Variants in MIOS observed in about 807,000 individuals in gnomAD.
MIOS encodes meiosis regulator for oocyte development.
A neutral mutation model predicts 96.9 loss-of-function variants in MIOS; 52 were observed. The ratio of observed to expected loss-of-function variants is 0.54; its 90% confidence interval spans 0.43 to 0.68. The LOEUF is 0.68. Ranked by LOEUF, MIOS falls within the 30% of genes least tolerant of loss-of-function variation. The probability of loss-of-function intolerance (pLI) is 0.00; values close to 1 mark genes in which losing one functional copy is unlikely to be tolerated. For missense variants in MIOS, 1,005 were observed against 1,052.8 expected (o/e 0.95, Z 0.63); for synonymous variants, 397 against 359.5 (o/e 1.10, Z -1.18).
intron 5 of MIOS, among the ~76,000 whole-genome samples, chr7:7,575,122 G>C (rs1351459858): frequency 6.6e-6 from 1 of 151,866 alleles, no homozygotes; most frequent in African/African-American, 2.4e-5. Context: ...CTAACTTTTG[G>C]TAAGTCAAAT....
chr7:7,597,154 GTC>G (rs1480021699), intron 11 of MIOS, among the ~76,000 whole-genome samples: 1 of 151,692 alleles, frequency 6.6e-6, no homozygotes, highest in Admixed American at 6.6e-5. Flanking sequence ...GTGAAACCTC[GTC>G]TCTACTAAAA....
intron 5 of MIOS, among the ~76,000 whole-genome samples, chr7:7,579,136 C>T (rs1432800935): frequency 6.6e-6 from 1 of 152,100 alleles, no homozygotes; most frequent in Non-Finnish European, 1.5e-5. Flanking sequence ...TTTAGTGGTA[C>T]ATAACATGCA....
chr7:7,597,502 AT>A (rs1287505927), intron 11 of MIOS, among the ~76,000 whole-genome samples: 7,678 of 72,690 alleles, frequency 0.11, 1,701 homozygotes, highest in Middle Eastern at 0.23. Flanking sequence ...ATATATATAT[AT>A]ATATATATAT....
intron 9 of MIOS, among the ~76,000 whole-genome samples, chr7:7,594,537 C>T (rs57915570): frequency 0.059 from 9,013 of 152,128 alleles, 860 homozygotes; most frequent in African/African-American, 0.21. Context: ...TCAAGTGATC[C>T]GCCTACCTCG....
At chr7:7,595,846 G>T (rs11981494) in intron 10 of MIOS, among the ~76,000 whole-genome samples, 20,999 of 152,128 alleles carry the variant, frequency 0.14, 1,631 homozygotes, top group East Asian at 0.28. Context: ...ACCATTATAA[G>T]TTTGTTAACT....
rs138842788 is a variant in MIOS, at chr7:7,597,903, G to T, written c.2401+1442G>T. Among the ~76,000 whole-genome samples, 818 of 152,122 alleles carry T rather than the reference G, an allele frequency of 5.4e-3. 19 individuals are homozygous for T. Among genetic ancestry groups the T allele is most frequent in the East Asian group, 0.032 (165 of 5,156 alleles). ...TGGTCTTGAACTCCTGAACTCAAGC[G>T]ATCCACCTGCCTCAGCTTCCCAAAG... On this transcript the variant is annotated intron_variant, in intron 11 of 12. Coordinates refer to ENST00000340080, the MANE Select transcript of MIOS (RefSeq NM_019005.4).
chr7:7,578,855 C>T (rs987091156), intron 5 of MIOS, among the ~76,000 whole-genome samples: 5 of 151,950 alleles, frequency 3.3e-5, no homozygotes, highest in Admixed American at 6.6e-5. Context: ...GGATTACAGG[C>T]GCATGCCATT....
intron 11 of MIOS, among the ~76,000 whole-genome samples, chr7:7,598,299 A>G (rs182407359): frequency 5.0e-4 from 76 of 152,274 alleles, no homozygotes; most frequent in Non-Finnish European, 9.1e-4. Flanking sequence ...ACATTTTATA[A>G]TTCTATTCTG....
chr7:7,589,544 C>T lies in MIOS; in HGVS notation c.2024C>T (p.Ala675Val). 1.2e-6 allele frequency: 2 copies of T among 1,611,930 alleles called. No homozygotes were observed. Among genetic ancestry groups the T allele is most frequent in the Non-Finnish European group, 1.7e-6 (2 of 1,178,664 alleles). ...GATAGAACTGGAGATGTTCAAACAG[C>T]AAGTTACTGTATGTTACAGGTCAGT... ...YVDRTGDVQT[A>V]SYCMLQGSPL... Residue 675 changes from alanine (A) to valine (V), a missense_variant, in exon 9 of 13, where the codon GCA (alanine) becomes GTA (valine). Coordinates refer to ENST00000340080, the MANE Select transcript of MIOS (RefSeq NM_019005.4).
chr7:7,583,024 A>T, intron 5 of MIOS, 94 bp from the exon 6 acceptor site: 1 of 1,300,342 alleles, frequency 7.7e-7, no homozygotes, highest in Non-Finnish European at 1.0e-6. Context: ...GAAGTTAAAT[A>T]TTCTAAATGT....
At chr7:7,570,250 G>A (rs1011984750) in intron 3 of MIOS, among the ~76,000 whole-genome samples, 4 of 152,316 alleles carry the variant, frequency 2.6e-5, no homozygotes, top group African/African-American at 9.6e-5. Context: ...GAGACAAGAT[G>A]ATAAATAATT....
At chr7:7,574,864 A>G (rs898692357) in intron 5 of MIOS, among the ~76,000 whole-genome samples, 1 of 152,034 alleles carries the variant, frequency 6.6e-6, no homozygotes, top group African/African-American at 2.4e-5. Context: ...TTAGAATTGC[A>G]GGTTGAGTAT....
chr7:7,570,032 A>AGG (rs75054981), intron 3 of MIOS, among the ~76,000 whole-genome samples: 50,882 of 151,974 alleles, frequency 0.33, 8,692 homozygotes, highest in Middle Eastern at 0.47. Flanking sequence ...TAAGCAAGGA[A>AGG]GGATAGCCTG....
chr7:7,607,182 T>A lies in MIOS; in HGVS notation c.*90T>A. On this transcript the variant is annotated 3_prime_UTR_variant, in exon 13 of 13. Transcript: ENST00000340080. Reference sequence around the variant, plus strand: ...AGAAACATACCTCAGAACAAGCCATTCATGACTTACCTGTAATGGGAAAAT... The same window carrying A: ...AGAAACATACCTCAGAACAAGCCATACATGACTTACCTGTAATGGGAAAAT... The A allele has an allele frequency of 4.3e-6, 4 of 919,966 alleles. No individual in the cohort carries two copies. Among genetic ancestry groups the A allele is most frequent in the Non-Finnish European group, 5.0e-6 (3 of 599,314 alleles). 57.0% of individuals were successfully genotyped at this position (919,966 alleles called of 1,614,324 possible). A position where few individuals can be genotyped will look rare whatever the true frequency, so the allele number is the denominator to read the frequency against.
chr7:7,593,370 A>G (rs1784104368), intron 9 of MIOS, among the ~76,000 whole-genome samples: 2 of 152,256 alleles, frequency 1.3e-5, no homozygotes, highest in South Asian at 4.1e-4. Context: ...TTTTGATTGG[A>G]TGTCTAAAGA....
Position 7,608,312 on chromosome 7 carries a change from A to G in MIOS, c.*1220A>G, listed in dbSNP as rs1352390396. ...GTTCATAAAGAGTAAATCTTATTTT[A>G]TAGATTTTGGAGAAATAAAACAAGA... is the stretch of plus-strand genomic sequence containing the variant. On this transcript the variant is annotated 3_prime_UTR_variant, in exon 13 of 13. Transcript: ENST00000340080. 2.0e-4 allele frequency: 31 copies of G among 152,130 alleles called. No homozygotes were observed. The highest frequency in any genetic ancestry group is 4.3e-4 in the Non-Finnish European group (29 of 67,968). 9.4% of individuals were successfully genotyped at this position (152,130 alleles called of 1,614,324 possible).
At chr7:7,592,783 G>A (rs1784086004) in intron 9 of MIOS, among the ~76,000 whole-genome samples, 1 of 152,144 alleles carries the variant, frequency 6.6e-6, no homozygotes, top group Non-Finnish European at 1.5e-5. Context: ...TAATGTGAGG[G>A]ATGGGGAGCA....
intron 11 of MIOS, among the ~76,000 whole-genome samples, chr7:7,603,977 C>T (rs1162235382): frequency 4.0e-5 from 6 of 151,786 alleles, no homozygotes; most frequent in African/African-American, 1.2e-4. Flanking sequence ...AATCCAAACA[C>T]CGCATGTTCT....
chr7:7,592,635 T>C (rs550373163), intron 9 of MIOS, among the ~76,000 whole-genome samples: 5 of 151,932 alleles, frequency 3.3e-5, no homozygotes, highest in African/African-American at 1.2e-4. Context: ...ATGGGAGACA[T>C]TGACAGATCA....
Sources: gnomAD v4.1 joint callset for allele counts (sites outside exome capture counted in the v4.1 genomes callset) on GRCh38, gnomAD v4.1.1 for gene constraint, MANE v1.5 for transcripts, NCBI Gene and HGNC (gene_info 2026-07-23, HGNC 2026-07-21) for gene names.